Variants in AGTPBP1 observed in about 807,000 individuals in gnomAD.
AGTPBP1 encodes the protein ATP/GTP binding carboxypeptidase 1.
AGTPBP1 carries 70 observed loss-of-function variants against 143.9 expected under a neutral mutation model. The observed-to-expected ratio is 0.49, with a 90% CI of 0.40 to 0.59. The LOEUF is 0.59. AGTPBP1 is among the 20% of genes least tolerant of loss of function. AGTPBP1 has a pLI of 0.00. For missense variants in AGTPBP1, 1,229 were observed against 1,464.5 expected, an observed-to-expected ratio of 0.84 and a Z score of 2.62; for synonymous variants, 463 against 500.2, an observed-to-expected ratio of 0.93 and a Z score of 0.99.
intron 8 of AGTPBP1, among the ~76,000 whole-genome samples, chr9:85,665,255 C>G (rs1469669353): frequency 6.6e-6 from 1 of 152,062 alleles, no homozygotes; most frequent in Admixed American, 6.6e-5. Flanking sequence ...TGAAGACAAA[C>G]ACAAAAGGGG....
At chr9:85,655,373 C>G in intron 10 of AGTPBP1, 53 bp from the exon 11 acceptor site, 1 of 1,402,418 alleles carries the variant, frequency 7.1e-7, no homozygotes, top group Non-Finnish European at 9.4e-7. Flanking sequence ...AATAACTGAA[C>G]CAATTTTACT....
In AGTPBP1 at chr9:85,633,388, A is replaced by G; in HGVS notation, c.1303-14T>C. On this transcript the variant is annotated splice_polypyrimidine_tract_variant and intron_variant, in intron 13 of 25. Transcript: ENST00000357081. ...TAAATCATAGTCCTTTGAAAATAAA[A>G]ACATGTTTAATCTTTTAACTGTAAA... 1.3e-6 allele frequency: 2 copies of G among 1,495,048 alleles called. 1 individual carries two copies. The highest frequency in any genetic ancestry group is 2.7e-5 in the South Asian group (2 of 73,860). The allele number at this position is 1,495,048 out of a possible 1,614,324, so 92.6% of individuals were successfully genotyped here. A position where few individuals can be genotyped will look rare whatever the true frequency, so the allele number is the denominator to read the frequency against.
intron 25 of AGTPBP1, 52 bp downstream of exon 25, chr9:85,575,263 A>C: frequency 7.3e-7 from 1 of 1,366,262 alleles, no homozygotes; most frequent in South Asian, 1.7e-5. Flanking sequence ...TATTTTAATG[A>C]AGTCTAATAA....
chr9:85,625,616 T>C (rs1269584659), intron 14 of AGTPBP1, among the ~76,000 whole-genome samples: 1 of 152,024 alleles, frequency 6.6e-6, no homozygotes, highest in Non-Finnish European at 1.5e-5. Flanking sequence ...CCGGGCACGG[T>C]GGCTCACACC....
At chr9:85,703,438 A>C (rs1836796524) in intron 2 of AGTPBP1, among the ~76,000 whole-genome samples, 1 of 152,256 alleles carries the variant, frequency 6.6e-6, no homozygotes, top group South Asian at 2.1e-4. Flanking sequence ...AGGTAGCAAC[A>C]ATGGGCATGG....
At chr9:85,774,215 G>A in the AGTPBP1 span, among the ~76,000 whole-genome samples, 1 of 152,212 alleles carries the variant, frequency 6.6e-6, no homozygotes, top group Middle Eastern at 3.4e-3. Context: ...TTTGTTGTAG[G>A]GCTATTCATG....
intron 1 of AGTPBP1, among the ~76,000 whole-genome samples, chr9:85,740,647 G>T (rs962308156): frequency 6.6e-6 from 1 of 152,088 alleles, no homozygotes; most frequent in East Asian, 1.9e-4. Flanking sequence ...GAATAATTCA[G>T]AAGTTCACAA....
At chr9:85,789,672 C>T in the AGTPBP1 span, among the ~76,000 whole-genome samples, 2 of 152,284 alleles carry the variant, frequency 1.3e-5, no homozygotes, top group South Asian at 2.1e-4. Flanking sequence ...TTCGTATCTT[C>T]ATGAACCCAG....
chr9:85,612,332 C>T (rs1057274344), intron 17 of AGTPBP1, among the ~76,000 whole-genome samples: 1 of 152,190 alleles, frequency 6.6e-6, no homozygotes, highest in Admixed American at 6.5e-5. Flanking sequence ...ATAATCATAT[C>T]GATGTGATGA....
chr9:85,710,647 T>C lies in AGTPBP1; in HGVS notation c.32+1855A>G, dbSNP rs62570589. 1.8e-3 allele frequency among the ~76,000 whole-genome samples: 279 copies of C among 152,114 alleles called. 1 individual carries two copies. Among genetic ancestry groups the C allele is most frequent in the Non-Finnish European group, 3.3e-3 (221 of 67,966 alleles). On this transcript the variant is annotated intron_variant, in intron 2 of 25. Coordinates refer to ENST00000357081, the MANE Select transcript of AGTPBP1 (RefSeq NM_001330701.2). ...ATTATAATTTCCTTTAGACGAAGACTATTTGCAGTGATTCCAAATTAGTTA... is the reference window on the plus strand; with the variant it reads ...ATTATAATTTCCTTTAGACGAAGACCATTTGCAGTGATTCCAAATTAGTTA...
At chr9:85,796,483 A>C in the AGTPBP1 span, among the ~76,000 whole-genome samples, 1 of 152,070 alleles carries the variant, frequency 6.6e-6, no homozygotes. Context: ...GGAAATGCCC[A>C]TCTGTCTGTA....
intron 17 of AGTPBP1, among the ~76,000 whole-genome samples, chr9:85,606,719 G>A (rs1014311352): frequency 1.3e-5 from 2 of 151,920 alleles, no homozygotes; most frequent in Admixed American, 6.6e-5. Context: ...ATACAATGTG[G>A]CCATAAAAAA....
intron 13 of AGTPBP1, 88 bp from the exon 14 acceptor site, chr9:85,633,462 CAGAAATTTTT>C: frequency 9.2e-7 from 1 of 1,084,138 alleles, no homozygotes; most frequent in African/African-American, 1.6e-5. Context: ...TATATTGCTT[CAGAAATTTTT>C]GGAAATTTTA....
chr9:85,644,444 A>G (rs1315654607), intron 12 of AGTPBP1, among the ~76,000 whole-genome samples: 1 of 151,856 alleles, frequency 6.6e-6, no homozygotes, highest in Non-Finnish European at 1.5e-5. Context: ...AAAAAAAAAA[A>G]AAAGGCTTTA....
At chr9:85,556,517 A>T (rs1311447352) in intron 25 of AGTPBP1, among the ~76,000 whole-genome samples, 1 of 152,224 alleles carries the variant, frequency 6.6e-6, no homozygotes, top group Non-Finnish European at 1.5e-5. Flanking sequence ...AATGGAGTAA[A>T]TACTCCAATT....
intron 8 of AGTPBP1, among the ~76,000 whole-genome samples, chr9:85,662,150 C>G (rs1833886667): frequency 6.6e-6 from 1 of 152,014 alleles, no homozygotes; most frequent in African/African-American, 2.4e-5. Flanking sequence ...TAACAGATTA[C>G]AAGACTTAAG....
intron 1 of AGTPBP1, among the ~76,000 whole-genome samples, chr9:85,740,457 A>G (rs1347269376): frequency 1.3e-5 from 2 of 152,234 alleles, no homozygotes; most frequent in Admixed American, 6.5e-5. Context: ...GTAATTCTAC[A>G]TAGGAAATAC....
chr9:85,774,187 C>T, the AGTPBP1 span, among the ~76,000 whole-genome samples: 2 of 152,160 alleles, frequency 1.3e-5, no homozygotes, highest in African/African-American at 4.8e-5. Flanking sequence ...TTGGTTGCCG[C>T]ATTTTGGGAC....
the AGTPBP1 span, among the ~76,000 whole-genome samples, chr9:85,775,303 C>CAA: frequency 7.2e-6 from 1 of 138,744 alleles, no homozygotes. Flanking sequence ...GACCCTGTCT[C>CAA]AAAAAAAAAA....
Sources: gnomAD v4.1 joint callset for allele counts (sites outside exome capture counted in the v4.1 genomes callset) on GRCh38, gnomAD v4.1.1 for gene constraint, MANE v1.5 for transcripts, NCBI Gene and HGNC (gene_info 2026-07-23, HGNC 2026-07-21) for gene names.